The following MACROD2 variants were observed in gnomAD, a reference collection of about 807,000 sequenced individuals.
The protein encoded by MACROD2 is mono-ADP ribosylhydrolase 2, also known as ADP-ribose glycohydrolase MACROD2.
In MACROD2, 36 loss-of-function variants were observed where a neutral mutation model predicts 70.4. The ratio of observed to expected loss-of-function variants is 0.51; its 90% confidence interval spans 0.39 to 0.68. MACROD2 has a LOEUF of 0.68. Among genes scored for constraint, MACROD2 ranks in the 30% least tolerant of loss-of-function variants. The probability of loss-of-function intolerance (pLI) is 0.00; values close to 1 mark genes in which losing one functional copy is unlikely to be tolerated. For synonymous variants in MACROD2, 172 were observed against 178.8 expected (o/e 0.96, Z 0.30); for missense variants, 496 against 538.4 (o/e 0.92, Z 0.78).
intron 7 of MACROD2, among the ~76,000 whole-genome samples, chr20:15,461,891 A>G (rs6110614): frequency 0.15 from 22,685 of 152,208 alleles, 1,877 homozygotes; most frequent in Non-Finnish European, 0.19. Context: ...TTTCTATGTA[A>G]AAACAACCAA....
chr20:14,989,090 G>A (rs571797260), intron 5 of MACROD2, among the ~76,000 whole-genome samples: 16 of 151,936 alleles, frequency 1.1e-4, no homozygotes, highest in African/African-American at 3.9e-4. Flanking sequence ...TGAATTATAT[G>A]GTTTTTTTTA....
chr20:15,337,709 AAAG>A (rs1052425270), intron 6 of MACROD2, among the ~76,000 whole-genome samples: 7 of 151,892 alleles, frequency 4.6e-5, no homozygotes, highest in Middle Eastern at 3.4e-3. Flanking sequence ...GGTCAAAAAA[AAAG>A]AGAACAGTTC....
intron 5 of MACROD2, among the ~76,000 whole-genome samples, chr20:14,743,749 C>T (rs978998155): frequency 6.6e-6 from 1 of 152,154 alleles, no homozygotes; most frequent in East Asian, 1.9e-4. Context: ...TTCCCAGAAC[C>T]TGTGAATGTT....
chr20:14,245,708 T>A (rs538062961), intron 3 of MACROD2, among the ~76,000 whole-genome samples: 1 of 152,314 alleles, frequency 6.6e-6, no homozygotes, highest in East Asian at 1.9e-4. Context: ...CCTGGAGCTC[T>A]TAATGCTATA....
intron 5 of MACROD2, chr20:14,895,515 G>A (rs532011241): frequency 1.3e-5 from 2 of 152,126 alleles, no homozygotes; most frequent in African/African-American, 4.8e-5. Context: ...AAATGTAGGG[G>A]TAGATGGCTT....
intron 5 of MACROD2, among the ~76,000 whole-genome samples, chr20:15,207,971 G>T (rs1438526528): frequency 6.6e-6 from 1 of 152,012 alleles, no homozygotes; most frequent in East Asian, 1.9e-4. Flanking sequence ...TGGGAAATTT[G>T]CAGTCATTAT....
chr20:15,129,940 T>C (rs1190984157), intron 5 of MACROD2, among the ~76,000 whole-genome samples: 1 of 152,106 alleles, frequency 6.6e-6, no homozygotes, highest in Non-Finnish European at 1.5e-5. Context: ...CAGAAAGCAG[T>C]AGAGGGGTAG....
chr20:15,850,148 G>T (rs1189313484), intron 8 of MACROD2, among the ~76,000 whole-genome samples: 3 of 152,168 alleles, frequency 2.0e-5, no homozygotes, highest in African/African-American at 7.2e-5. Flanking sequence ...GAATTAGAGT[G>T]CAGGTAGATT....
intron 5 of MACROD2, among the ~76,000 whole-genome samples, chr20:15,088,431 ATATATATATATATATATAT>A (rs1568567375): frequency 8.8e-5 from 3 of 34,012 alleles, no homozygotes; most frequent in Admixed American, 2.8e-4. Flanking sequence ...ATATATATAT[ATATATATATATATATATAT>A]AATATTTTGT....
At chr20:15,229,848 C>A in intron 5 of MACROD2, 92 bp from the exon 6 acceptor site, 1 of 1,311,904 alleles carries the variant, frequency 7.6e-7, no homozygotes, top group Non-Finnish European at 1.0e-6. Context: ...CAGGCTCTAA[C>A]ACAAATACCT....
chr20:14,906,758 T>C (rs2073964586), intron 5 of MACROD2, among the ~76,000 whole-genome samples: 2 of 152,344 alleles, frequency 1.3e-5, no homozygotes, highest in African/African-American at 4.8e-5. Flanking sequence ...ACATGTTATT[T>C]CTTTCGTAAG....
chr20:15,311,453 AACTAGTTCTGCCAAAATGAC>A lies in MACROD2; in HGVS notation c.540+81395_540+81414del, dbSNP rs566942969. 3.7e-4 allele frequency among the ~76,000 whole-genome samples: 56 copies of A among 152,338 alleles called. 1 individual carries two copies. The South Asian group carries it at 9.7e-3, about 26-fold the overall frequency. On this transcript the variant is annotated intron_variant, in intron 6 of 17. Transcript: ENST00000684519. ...ACTGGATATATATCCGAAAGAAAACAACTAGTTCTGCCAAAATGACACATGCACTCGCATGTTCATAACAG... is the reference window on the plus strand; with the variant it reads ...ACTGGATATATATCCGAAAGAAAACAACATGCACTCGCATGTTCATAACAG...
intron 6 of MACROD2, among the ~76,000 whole-genome samples, chr20:15,269,920 G>A (rs1212640127): frequency 1.3e-5 from 2 of 152,060 alleles, no homozygotes; most frequent in Admixed American, 6.6e-5. Context: ...GCCCCCTGTA[G>A]GATAATAACA....
chr20:15,303,082 T>C (rs868355197), intron 6 of MACROD2, among the ~76,000 whole-genome samples: 33 of 152,332 alleles, frequency 2.2e-4, no homozygotes, highest in African/African-American at 7.9e-4. Flanking sequence ...TCCTTTTTCC[T>C]TATTTAGTTA....
intron 3 of MACROD2, among the ~76,000 whole-genome samples, chr20:14,283,699 C>T (rs540914687): frequency 6.6e-6 from 1 of 152,014 alleles, no homozygotes; most frequent in Admixed American, 6.6e-5. Flanking sequence ...GGGGTTTCAC[C>T]ATGTTGGCCA....
In MACROD2 at chr20:15,562,303, G is replaced by A. The variant is rs75706702; in HGVS notation, c.645+62456G>A. 2.4e-4 allele frequency among the ~76,000 whole-genome samples: 36 copies of A among 152,176 alleles called. 2 individuals are homozygous for A. The East Asian group carries it at 7.0e-3, about 30-fold the overall frequency. On this transcript the variant is annotated intron_variant, in intron 8 of 17. Coordinates refer to ENST00000684519, the MANE Select transcript of MACROD2 (RefSeq NM_001351661.2). The stretch of plus-strand genomic sequence containing the variant: ...AATCCTAACCCTTTTGTGATGTGGG[G>A]CCTTCATATAAGTATGTGATGTGGA...
At chr20:14,048,813 T>C (rs1310373670) in intron 2 of MACROD2, among the ~76,000 whole-genome samples, 1 of 152,194 alleles carries the variant, frequency 6.6e-6, no homozygotes, top group Non-Finnish European at 1.5e-5. Context: ...AAAGAATTAC[T>C]AATAATGTAC....
At chr20:15,380,288 T>C (rs2045626033) in intron 6 of MACROD2, among the ~76,000 whole-genome samples, 1 of 152,156 alleles carries the variant, frequency 6.6e-6, no homozygotes, top group Admixed American at 6.5e-5. Context: ...GGAAATATTA[T>C]TTTACAAAGT....
intron 5 of MACROD2, among the ~76,000 whole-genome samples, chr20:14,911,326 A>AT (rs1006838939): frequency 1.7e-4 from 25 of 151,504 alleles, no homozygotes; most frequent in African/African-American, 2.7e-4. Context: ...TTGCTAGTTG[A>AT]TTTTTTTTTC....
Sources: gnomAD v4.1 joint callset for allele counts (sites outside exome capture counted in the v4.1 genomes callset) on GRCh38, gnomAD v4.1.1 for gene constraint, MANE v1.5 for transcripts, NCBI Gene and HGNC (gene_info 2026-07-23, HGNC 2026-07-21) for gene names.